The following PARP4 variants were observed in gnomAD, a reference collection of about 807,000 sequenced individuals.
PARP4 encodes protein mono-ADP-ribosyltransferase PARP4.
A neutral mutation model predicts 187.7 loss-of-function variants in PARP4; 120 were observed. The observed-to-expected ratio is 0.64, with a 90% confidence interval of 0.55 to 0.74. PARP4 has a LOEUF of 0.74. Ranked by LOEUF, PARP4 falls within the 30% of genes least tolerant of loss-of-function variation. The probability of loss-of-function intolerance (pLI) is 0.00; values close to 1 mark genes in which losing one functional copy is unlikely to be tolerated. For synonymous variants in PARP4, 654 were observed against 740.9 expected, an observed-to-expected ratio of 0.88 and a Z score of 1.90; for missense variants, 1,836 against 2,070.5, an observed-to-expected ratio of 0.89 and a Z score of 2.20.
At chr13:24,499,238 C>A in intron 5 of PARP4, 63 bp downstream of exon 5, 9 of 1,467,360 alleles carry the variant, frequency 6.1e-6, no homozygotes, top group South Asian at 1.5e-5. Flanking sequence ...GGAAAAACAC[C>A]CAGAAGACAT....
At chr13:24,442,205 C>T (rs111562079) in intron 29 of PARP4, among the ~76,000 whole-genome samples, 2 of 150,340 alleles carry the variant, frequency 1.3e-5, no homozygotes, top group African/African-American at 4.9e-5. Context: ...CCCCCTTAAA[C>T]TTATGAAGGG....
chr13:24,503,677 C>T lies in PARP4; in HGVS notation c.100G>A (p.Gly34Ser). The change falls in exon 2 of 34, where the codon GGC (glycine) becomes AGC (serine). Residue 34 changes from glycine to serine, a missense_variant. Gly to Ser is a moderately conservative substitution (Grantham distance 56). Transcript: ENST00000381989. The stretch of plus-strand genomic sequence containing the variant: ...TTTAACGAAAAGGAAAACTTTCCGC[C>T]ATTTTCCTTAATGTCAGTTTGTAGC... ...KKLQTDIKEN[G>S]GKFSFSLNPQ... The T allele has an allele frequency of 6.2e-7, 1 of 1,613,460 alleles. No individual in the cohort carries two copies. Among genetic ancestry groups the T allele is most frequent in the African/African-American group, 1.3e-5 (1 of 75,040 alleles).
intron 17 of PARP4, among the ~76,000 whole-genome samples, chr13:24,468,572 TTTTTGTACTTTTAGTAA>T (rs1251008079): frequency 6.6e-6 from 1 of 152,198 alleles, no homozygotes; most frequent in Non-Finnish European, 1.5e-5. Context: ...GCCCAGCTAA[TTTTTGTACTTTTAGTAA>T]GAGGGGGTTT....
intron 12 of PARP4, among the ~76,000 whole-genome samples, chr13:24,481,193 G>A (rs527491622): frequency 6.6e-6 from 1 of 152,356 alleles, no homozygotes; most frequent in East Asian, 1.9e-4. Context: ...ATGGTTTACT[G>A]AATTTTAAGC....
At chr13:24,425,557 G>GTGTGTGTGTGTA (rs1452177226) in intron 33 of PARP4, among the ~76,000 whole-genome samples, 1 of 140,032 alleles carries the variant, frequency 7.1e-6, no homozygotes, top group Non-Finnish European at 1.5e-5. Flanking sequence ...GTGTGTGTGT[G>GTGTGTGTGTGTA]TGTGTGTGTG....
intron 31 of PARP4, among the ~76,000 whole-genome samples, chr13:24,433,252 C>T (rs1251270689): frequency 6.6e-6 from 1 of 152,158 alleles, no homozygotes; most frequent in Non-Finnish European, 1.5e-5. Flanking sequence ...GTCCTTTTGA[C>T]CTCCACATTC....
At chr13:24,475,078 A>G (rs1872916956) in intron 15 of PARP4, among the ~76,000 whole-genome samples, 1 of 152,128 alleles carries the variant, frequency 6.6e-6, no homozygotes, top group African/African-American at 2.4e-5. Context: ...TGCAGATGTC[A>G]CCTTCTCAGG....
intron 1 of PARP4, among the ~76,000 whole-genome samples, chr13:24,506,422 G>A (rs928683950): frequency 1.3e-5 from 2 of 152,270 alleles, no homozygotes; most frequent in Middle Eastern, 6.8e-3. Context: ...GCCACTGCTA[G>A]CTCGGGCAGC....
chr13:24,423,438 C>G (rs1226609661), intron 33 of PARP4, among the ~76,000 whole-genome samples: 1 of 151,526 alleles, frequency 6.6e-6, no homozygotes, highest in Non-Finnish European at 1.5e-5. Context: ...GGCTGAGGCA[C>G]GAGAATTGCT....
At chr13:24,472,332 A>C (rs1478811164) in intron 15 of PARP4, among the ~76,000 whole-genome samples, 1 of 152,150 alleles carries the variant, frequency 6.6e-6, no homozygotes, top group African/African-American at 2.4e-5. Flanking sequence ...GGGTCTTTTC[A>C]AAGTCTATGA....
At chr13:24,492,836 T>C (rs1868735763) in intron 8 of PARP4, among the ~76,000 whole-genome samples, 1 of 152,216 alleles carries the variant, frequency 6.6e-6, no homozygotes, top group South Asian at 2.1e-4. Flanking sequence ...GTCTTATATT[T>C]CTATACATAT....
chr13:24,459,175 T>C, intron 19 of PARP4, 53 bp from the exon 20 acceptor site: 2 of 1,573,250 alleles, frequency 1.3e-6, no homozygotes, highest in Non-Finnish European at 1.7e-6. Context: ...AATTTCTATC[T>C]GAAATTATTT....
intron 13 of PARP4, 52 bp from the exon 14 acceptor site, chr13:24,477,909 C>A: frequency 7.5e-7 from 1 of 1,333,216 alleles, no homozygotes; most frequent in South Asian, 1.4e-5. Flanking sequence ...AACAAAAAAC[C>A]TGTATTGGCA....
At chr13:24,459,922 TC>T in intron 18 of PARP4, 49 bp downstream of exon 18, 1 of 1,513,636 alleles carries the variant, frequency 6.6e-7, no homozygotes, top group Non-Finnish European at 9.1e-7. Context: ...CCTCCACCAC[TC>T]CCCCTCCACT....
Position 24,469,077 on chromosome 13 carries a change from G to A in PARP4, c.2080C>T (p.Leu694=), listed in dbSNP as rs879229738. The part of the protein sequence containing the change: ...KEKEEAQQEY[L]EAVTQGHGAY... ...CCATGGCCCTGGGTCACGGCTTCTA[G>A]GTACTCTTGCTGGGCTTCTTCCTTC... The change falls in exon 17 of 34, where the codon CTA becomes TTA. Residue 694 remains leucine (L), a synonymous_variant. Coordinates refer to ENST00000381989, the MANE Select transcript of PARP4 (RefSeq NM_006437.4). The A allele has an allele frequency of 3.1e-6, 5 of 1,613,738 alleles. No individual in the cohort carries two copies. Among genetic ancestry groups the A allele is most frequent in the Non-Finnish European group, 4.2e-6 (5 of 1,179,658 alleles).
At chr13:24,505,291 C>T (rs1869566906) in intron 1 of PARP4, among the ~76,000 whole-genome samples, 1 of 152,052 alleles carries the variant, frequency 6.6e-6, no homozygotes, top group African/African-American at 2.4e-5. Context: ...GTCTTACAGG[C>T]TAAGGGTACT....
At chr13:24,452,627 T>A (rs1458233674) in intron 23 of PARP4, 34 bp from the exon 24 acceptor site, 1 of 1,553,156 alleles carries the variant, frequency 6.4e-7, no homozygotes, top group Admixed American at 1.7e-5. Context: ...TATGTTCTCC[T>A]TGTTGGATGC....
rs1005766871 is a variant in PARP4 at position 24,494,711 on chromosome 13, C to T, written c.603G>A (p.Gln201=). The change falls in exon 7 of 34, where the codon CAG becomes CAA. Residue 201 remains glutamine, a synonymous_variant. Transcript: ENST00000381989. ...LLDDGMETRR[Q]FAIKKTSEDA... ...CTTCAGAGGTTTTCTTTATAGCAAACTGTCTTCTAGTCTGTGAATTATGGT... is the reference window on the plus strand; with the variant it reads ...CTTCAGAGGTTTTCTTTATAGCAAATTGTCTTCTAGTCTGTGAATTATGGT... 1 of 1,605,020 alleles carries T rather than the reference C, an allele frequency of 6.2e-7. No homozygotes were observed. The highest frequency in any genetic ancestry group is 1.3e-5 in the African/African-American group (1 of 74,684).
intron 2 of PARP4, among the ~76,000 whole-genome samples, chr13:24,502,416 A>T (rs1156967291): frequency 6.6e-6 from 1 of 152,236 alleles, no homozygotes; most frequent in East Asian, 1.9e-4. Flanking sequence ...TATTAACTTC[A>T]TCCCCACTGT....
Sources: gnomAD v4.1 joint callset for allele counts (sites outside exome capture counted in the v4.1 genomes callset) on GRCh38, gnomAD v4.1.1 for gene constraint, MANE v1.5 for transcripts, NCBI Gene and HGNC (gene_info 2026-07-23, HGNC 2026-07-21) for gene names.